The following FHIT variants were observed in gnomAD, a reference collection of about 807,000 sequenced individuals.
FHIT encodes fragile histidine triad diadenosine triphosphatase.
Under a neutral mutation model 17.9 loss-of-function variants are expected in FHIT, and 19 were observed. The ratio of observed to expected loss-of-function variants is 1.06; its 90% CI spans 0.74 to 1.56. The LOEUF is 1.56. Among genes scored for constraint, FHIT ranks in the 40% most tolerant of loss-of-function variants. The pLI is 0.00. For missense variants in FHIT, 248 were observed against 189.2 expected (o/e 1.31, Z -1.82); for synonymous variants, 81 against 69.7 (o/e 1.16, Z -0.81).
chr3:60,625,414 T>G (rs1256727180), intron 4 of FHIT, among the ~76,000 whole-genome samples: 1 of 152,218 alleles, frequency 6.6e-6, no homozygotes, highest in African/African-American at 2.4e-5. Flanking sequence ...CAGCAATGTA[T>G]GTTCAAGTTC....
chr3:60,729,224 A>T (rs1447993587), intron 4 of FHIT, among the ~76,000 whole-genome samples: 1 of 152,210 alleles, frequency 6.6e-6, no homozygotes, highest in Non-Finnish European at 1.5e-5. Flanking sequence ...AGATTTTTCC[A>T]ATTACATGAA....
At chr3:60,942,656 TG>T (rs1708468189) in intron 3 of FHIT, among the ~76,000 whole-genome samples, 1 of 152,176 alleles carries the variant, frequency 6.6e-6, no homozygotes, top group South Asian at 2.1e-4. Context: ...AATCATTTTT[TG>T]CTCGGTTGAT....
intron 5 of FHIT, among the ~76,000 whole-genome samples, chr3:60,034,048 G>A (rs1387708819): frequency 6.6e-6 from 1 of 152,202 alleles, no homozygotes; most frequent in African/African-American, 2.4e-5. Context: ...ACATGATTGA[G>A]TACTTATAAT....
chr3:61,049,180 T>A (rs2033931553), intron 2 of FHIT, among the ~76,000 whole-genome samples: 1 of 151,452 alleles, frequency 6.6e-6, no homozygotes, highest in African/African-American at 2.4e-5. Context: ...GACACATGCA[T>A]GAAAACTCAT....
chr3:60,612,645 T>A (rs2038821606), intron 4 of FHIT, among the ~76,000 whole-genome samples: 1 of 152,096 alleles, frequency 6.6e-6, no homozygotes, highest in Non-Finnish European at 1.5e-5. Flanking sequence ...GTGGTAAAAG[T>A]TAGTTAAATT....
At position 60,325,349 on chromosome 3, in the gene FHIT, AAAT is replaced by A. The variant is rs555379094; in HGVS notation, c.103+211508_103+211510del. ...TGTCACTAAAAACTTTTGATAAATT[AAAT>A]AATATGCAGTATGAGTATTAGAGTT... On this transcript the variant is annotated intron_variant, in intron 5 of 9. Transcript: ENST00000492590. Among the ~76,000 whole-genome samples, 12 of 152,324 alleles carry A rather than the reference AAAT, an allele frequency of 7.9e-5. No homozygotes were observed. The East Asian group carries it at 2.3e-3, about 29-fold the overall frequency.
intron 3 of FHIT, among the ~76,000 whole-genome samples, chr3:60,975,767 C>G (rs1005438369): frequency 5.3e-5 from 8 of 152,274 alleles, no homozygotes; most frequent in Admixed American, 2.0e-4. Context: ...TAAATGAACT[C>G]TCATATTTTC....
intron 4 of FHIT, among the ~76,000 whole-genome samples, chr3:60,567,801 T>G (rs2037195155): frequency 6.6e-6 from 1 of 152,018 alleles, no homozygotes; most frequent in South Asian, 2.1e-4. Flanking sequence ...GTGAAGGATA[T>G]GAACAGACAC....
chr3:60,737,033 T>A (rs374201939), intron 4 of FHIT, among the ~76,000 whole-genome samples: 1 of 152,376 alleles, frequency 6.6e-6, no homozygotes, highest in East Asian at 1.9e-4. Context: ...CTTAGCTTCC[T>A]TTGTATCCAG....
At chr3:60,448,621 G>C (rs999983408) in intron 5 of FHIT, among the ~76,000 whole-genome samples, 2 of 152,094 alleles carry the variant, frequency 1.3e-5, no homozygotes, top group Non-Finnish European at 2.9e-5. Context: ...TAGCTCTCTG[G>C]ATGCAACATT....
chr3:59,882,566 C>T (rs1703454133), intron 8 of FHIT, among the ~76,000 whole-genome samples: 1 of 152,162 alleles, frequency 6.6e-6, no homozygotes, highest in South Asian at 2.1e-4. Flanking sequence ...AGATAACTTT[C>T]ACATCCCTAC....
intron 2 of FHIT, among the ~76,000 whole-genome samples, chr3:61,066,880 T>C (rs904994490): frequency 6.6e-6 from 1 of 152,194 alleles, no homozygotes; most frequent in African/African-American, 2.4e-5. Context: ...GCATGTGTTA[T>C]CAACACCTGG....
At chr3:60,071,655 G>C (rs988493295) in intron 5 of FHIT, among the ~76,000 whole-genome samples, 5 of 152,148 alleles carry the variant, frequency 3.3e-5, no homozygotes, top group Admixed American at 2.0e-4. Flanking sequence ...ATGCTCAAAA[G>C]GGGGACAGAA....
At chr3:60,747,045 C>G (rs2042371555) in intron 4 of FHIT, among the ~76,000 whole-genome samples, 1 of 152,000 alleles carries the variant, frequency 6.6e-6, no homozygotes, top group Non-Finnish European at 1.5e-5. Flanking sequence ...CATGATTCAG[C>G]CTTAGTTTAC....
chr3:60,349,655 T>C (rs1258942514), intron 5 of FHIT, among the ~76,000 whole-genome samples: 2 of 152,178 alleles, frequency 1.3e-5, no homozygotes, highest in South Asian at 4.1e-4. Flanking sequence ...TAAACGTATA[T>C]ATAAGGACTT....
intron 5 of FHIT, among the ~76,000 whole-genome samples, chr3:60,374,862 C>T (rs1700481866): frequency 6.6e-6 from 1 of 151,926 alleles, no homozygotes; most frequent in Non-Finnish European, 1.5e-5. Context: ...ACTGAACCAG[C>T]CCTTGCAGTT....
intron 5 of FHIT, among the ~76,000 whole-genome samples, chr3:60,158,386 A>G (rs1356510390): frequency 6.6e-6 from 1 of 151,734 alleles, no homozygotes; most frequent in Non-Finnish European, 1.5e-5. Flanking sequence ...ATCTCTGTGC[A>G]CTGCAACCTC....
chr3:60,197,704 A>G (rs1195343800), intron 5 of FHIT, among the ~76,000 whole-genome samples: 1 of 152,210 alleles, frequency 6.6e-6, no homozygotes, highest in Non-Finnish European at 1.5e-5. Context: ...GGGTCAAATG[A>G]AAAACATTTC....
chr3:60,854,895 G>A (rs1372422738), intron 3 of FHIT, among the ~76,000 whole-genome samples: 2 of 152,136 alleles, frequency 1.3e-5, no homozygotes, highest in Non-Finnish European at 2.9e-5. Flanking sequence ...ATCTTAGGAA[G>A]GGAACAACCA....
Sources: allele counts gnomAD v4.1 joint callset (sites outside exome capture counted in the v4.1 genomes callset), GRCh38; gene constraint gnomAD v4.1.1; transcripts MANE v1.5; gene names NCBI Gene and HGNC (gene_info 2026-07-23, HGNC 2026-07-21).